Variants in KITLG observed in about 807,000 individuals in gnomAD.
KITLG encodes c-Kit ligand.
A neutral mutation model predicts 34.1 loss-of-function variants in KITLG; 13 were observed. The observed-to-expected ratio is 0.38, with a 90% CI of 0.25 to 0.61. The LOEUF is 0.61. KITLG is among the 20% of genes least tolerant of loss of function. KITLG has a pLI of 0.60. For missense variants in KITLG, 292 were observed against 318.9 expected, an observed-to-expected ratio of 0.92 and a Z score of 0.64; for synonymous variants, 110 against 104.0, an observed-to-expected ratio of 1.06 and a Z score of -0.35.
intron 3 of KITLG, among the ~76,000 whole-genome samples, chr12:88,527,059 G>A (rs559755802): frequency 2.0e-5 from 3 of 151,918 alleles, no homozygotes; most frequent in East Asian, 3.9e-4. Context: ...TAGTATAGAC[G>A]GGGTTTCACT....
intron 1 of KITLG, among the ~76,000 whole-genome samples, chr12:88,553,528 G>A (rs1309129454): frequency 6.6e-6 from 1 of 151,816 alleles, no homozygotes; most frequent in Non-Finnish European, 1.5e-5. Context: ...TTTCTCTCTA[G>A]GTCAAGCTCA....
At chr12:88,499,544 A>G (rs774137521) in intron 9 of KITLG, among the ~76,000 whole-genome samples, 2 of 152,216 alleles carry the variant, frequency 1.3e-5, no homozygotes, top group Non-Finnish European at 2.9e-5. Flanking sequence ...CTTTGCAGAT[A>G]ACTCTCAAAT....
intron 1 of KITLG, among the ~76,000 whole-genome samples, chr12:88,556,360 G>A (rs1485183564): frequency 6.6e-6 from 1 of 152,130 alleles, no homozygotes; most frequent in East Asian, 1.9e-4. Context: ...TTGTTAAAAG[G>A]TTTATCAGGC....
At position 88,505,184 on chromosome 12, in the gene KITLG, T is replaced by C. The variant is rs1869011337; in HGVS notation, c.*12A>G. Reference sequence around the variant, plus strand: ...CAATGTACGAAAGTAACAGTGTTGATACAAGCCACAATTACACTTCTTGAA... The same window carrying C: ...CAATGTACGAAAGTAACAGTGTTGACACAAGCCACAATTACACTTCTTGAA... On this transcript the variant is annotated 3_prime_UTR_variant, in exon 9 of 10. Transcript: ENST00000644744. 1.1e-5 allele frequency: 17 copies of C among 1,600,486 alleles called. No individual in the cohort carries two copies. The highest frequency in any genetic ancestry group is 1.4e-5 in the Non-Finnish European group (16 of 1,167,830).
At chr12:88,533,635 T>C (rs140142079) in intron 2 of KITLG, among the ~76,000 whole-genome samples, 1,762 of 152,300 alleles carry the variant, frequency 0.012, 23 homozygotes, top group Middle Eastern at 0.041. Context: ...TTTTGCACCA[T>C]TACATCTTCA....
At chr12:88,567,944 C>A (rs951999524) in intron 1 of KITLG, among the ~76,000 whole-genome samples, 1 of 152,168 alleles carries the variant, frequency 6.6e-6, no homozygotes, top group Non-Finnish European at 1.5e-5. Flanking sequence ...TCATACTATA[C>A]AAAAACTAAT....
chr12:88,532,609 G>T, intron 2 of KITLG, 106 bp from the exon 3 acceptor site: 1 of 768,392 alleles, frequency 1.3e-6, no homozygotes. Flanking sequence ...GCTTTTTAAA[G>T]TTACCAATGA....
intron 3 of KITLG, among the ~76,000 whole-genome samples, chr12:88,526,521 TC>T (rs1335909442): frequency 6.6e-6 from 1 of 152,172 alleles, no homozygotes; most frequent in Non-Finnish European, 1.5e-5. Flanking sequence ...CATATGAGCA[TC>T]CATGAGGCAC....
chr12:88,525,451 G>C (rs1275455617), intron 3 of KITLG, among the ~76,000 whole-genome samples: 1 of 152,074 alleles, frequency 6.6e-6, no homozygotes, highest in Non-Finnish European at 1.5e-5. Context: ...TATATGCATT[G>C]GATTGTCTAA....
intron 2 of KITLG, among the ~76,000 whole-genome samples, chr12:88,533,985 C>A (rs529761750): frequency 6.6e-6 from 1 of 152,250 alleles, no homozygotes; most frequent in African/African-American, 2.4e-5. Context: ...GGTTCCTCTT[C>A]CCTAAGTTCA....
intron 1 of KITLG, among the ~76,000 whole-genome samples, chr12:88,567,768 G>T (rs997471777): frequency 6.6e-6 from 1 of 152,174 alleles, no homozygotes; most frequent in African/African-American, 2.4e-5. Context: ...CCCTTCTTAT[G>T]CATTAGCTCA....
intron 6 of KITLG, among the ~76,000 whole-genome samples, chr12:88,514,524 T>C (rs927607287): frequency 2.6e-5 from 4 of 151,736 alleles, no homozygotes; most frequent in Non-Finnish European, 5.9e-5. Flanking sequence ...CTGCACATAA[T>C]GTATAACATA....
intron 2 of KITLG, among the ~76,000 whole-genome samples, chr12:88,540,672 CAT>C (rs1333189932): frequency 1.3e-5 from 2 of 152,008 alleles, no homozygotes; most frequent in African/African-American, 4.8e-5. Context: ...GAGCAGAAGA[CAT>C]ATTATCCAAG....
At chr12:88,550,909 A>G (rs1870891253) in intron 1 of KITLG, among the ~76,000 whole-genome samples, 1 of 152,244 alleles carries the variant, frequency 6.6e-6, no homozygotes, top group South Asian at 2.1e-4. Flanking sequence ...TCCTTAAAAT[A>G]TATCAACACA....
At chr12:88,517,184 T>C (rs914271983) in intron 4 of KITLG, among the ~76,000 whole-genome samples, 1 of 151,990 alleles carries the variant, frequency 6.6e-6, no homozygotes, top group African/African-American at 2.4e-5. Context: ...GAAGGTTAAC[T>C]ACAGCTATAT....
chr12:88,560,883 G>A (rs1425962892), intron 1 of KITLG, among the ~76,000 whole-genome samples: 1 of 147,892 alleles, frequency 6.8e-6, no homozygotes, highest in Non-Finnish European at 1.5e-5. Context: ...CAGGAGAATC[G>A]CTTGAACCTG....
intron 3 of KITLG, among the ~76,000 whole-genome samples, chr12:88,522,601 T>C (rs965921008): frequency 5.3e-5 from 8 of 151,930 alleles, no homozygotes; most frequent in Non-Finnish European, 7.4e-5. Context: ...CTAACTTTTG[T>C]TTTTTTAGTA....
Position 88,507,123 on chromosome 12 carries a change from G to C in KITLG, c.619C>G (p.Pro207Ala). The C allele has an allele frequency of 6.2e-7, 1 of 1,610,486 alleles. No homozygotes were observed. Among genetic ancestry groups the C allele is most frequent in the South Asian group, 1.1e-5 (1 of 91,010 alleles). ...CAGTGTAGGCTGGAGTCTCCAGGGG[G>C]ATTTTTGGCCTTCCCTATAATTTAA... ...SSSSNRKAKNPPGDSSLHWAA... is the reference protein window; with the variant it reads ...SSSSNRKAKNAPGDSSLHWAA... The change falls in exon 7 of 10, where the codon CCC becomes GCC. Residue 207 changes from proline to alanine, a missense_variant. Coordinates refer to ENST00000644744, the MANE Select transcript of KITLG (RefSeq NM_000899.5).
chr12:88,525,288 C>A (rs111317979), intron 3 of KITLG, among the ~76,000 whole-genome samples: 1 of 152,146 alleles, frequency 6.6e-6, no homozygotes, highest in Non-Finnish European at 1.5e-5. Context: ...AGGTGACATG[C>A]TATTCTTTAG....
Sources: gnomAD v4.1 joint callset for allele counts (sites outside exome capture counted in the v4.1 genomes callset) on GRCh38, gnomAD v4.1.1 for gene constraint, MANE v1.5 for transcripts, NCBI Gene and HGNC (gene_info 2026-07-23, HGNC 2026-07-21) for gene names.